Variants in DPP10 observed in about 807,000 individuals in gnomAD.
DPP10 encodes the protein dipeptidyl peptidase like 10.
DPP10 carries 33 observed loss-of-function variants against 120.9 expected under a neutral mutation model. That is an observed-to-expected ratio of 0.27 (90% CI 0.21 to 0.37). DPP10 has a LOEUF of 0.37. Among genes scored for constraint, DPP10 ranks in the 10% least tolerant of loss-of-function variants. DPP10 has a pLI of 1.00. For synonymous variants in DPP10, 337 were observed against 326.1 expected (o/e 1.03, Z -0.36); for missense variants, 816 against 942.8 (o/e 0.87, Z 1.76).
rs772059382 is a variant in DPP10 at position 115,526,013 on chromosome 2, T to C, written c.441+41T>C. On this transcript the variant is annotated intron_variant, in intron 5 of 25. Coordinates refer to ENST00000410059, the MANE Select transcript of DPP10 (RefSeq NM_020868.6). ...TCTTTGAGAATACTTTTCTTTGTGA[T>C]GCATTGGGGTGACAATGCATAATTT... The C allele has an allele frequency of 8.6e-6, 13 of 1,515,768 alleles. No individual in the cohort carries two copies. The African/African-American group carries it at 1.7e-4, about 19-fold the overall frequency. 93.9% of individuals were successfully genotyped at this position (1,515,768 alleles called of 1,614,324 possible).
At chr2:115,790,454 T>G (rs868731102) in intron 17 of DPP10, among the ~76,000 whole-genome samples, 10 of 152,202 alleles carry the variant, frequency 6.6e-5, no homozygotes, top group African/African-American at 1.4e-4. Context: ...ACCTCAAAAT[T>G]CCAGCAAGTT....
rs1558792177 is a variant in DPP10 at position 114,835,041 on chromosome 2, CAGCCATATCTACACACCTATGTATATATA to C, written c.60+392264_60+392292del. The C allele has an allele frequency of 1.7e-3, 171 of 101,178 alleles. 2 individuals are homozygous for C. The highest frequency in any genetic ancestry group is 6.1e-3 in the African/African-American group (154 of 25,160). 6.3% of individuals were successfully genotyped at this position (101,178 alleles called of 1,614,324 possible). On this transcript the variant is annotated intron_variant, in intron 1 of 25. Coordinates refer to ENST00000410059, the MANE Select transcript of DPP10 (RefSeq NM_020868.6). ...CATATCTACACACCTATGTACATAT[CAGCCATATCTACACACCTATGTATATATA>C]AGCCATATCTACACACCTATGTATA...
chr2:115,361,830 T>A (rs1413482511), intron 3 of DPP10, among the ~76,000 whole-genome samples: 3 of 152,076 alleles, frequency 2.0e-5, no homozygotes, highest in Non-Finnish European at 4.4e-5. Context: ...CCAGAGGATC[T>A]GCTTGAGGTG....
chr2:114,479,299 A>C (rs1680797175), intron 1 of DPP10, among the ~76,000 whole-genome samples: 2 of 152,168 alleles, frequency 1.3e-5, no homozygotes, highest in African/African-American at 4.8e-5. Flanking sequence ...CATCTTGAAA[A>C]AGAAAAATGA....
chr2:115,835,139 A>C (rs1689338882), intron 21 of DPP10, among the ~76,000 whole-genome samples: 1 of 152,026 alleles, frequency 6.6e-6, no homozygotes, highest in Non-Finnish European at 1.5e-5. Flanking sequence ...CTGTCTAAAA[A>C]AAAAAAAGCA....
intron 1 of DPP10, among the ~76,000 whole-genome samples, chr2:114,899,530 T>C (rs1314692521): frequency 6.6e-6 from 1 of 152,244 alleles, no homozygotes; most frequent in Non-Finnish European, 1.5e-5. Context: ...GCTTTCATTA[T>C]ACTTTTACCA....
intron 5 of DPP10, among the ~76,000 whole-genome samples, chr2:115,591,150 C>T (rs1205206094): frequency 6.6e-6 from 1 of 152,102 alleles, no homozygotes; most frequent in Non-Finnish European, 1.5e-5. Context: ...TGCAAAAGCT[C>T]TTTAGTTTAA....
intron 1 of DPP10, among the ~76,000 whole-genome samples, chr2:115,224,009 C>G (rs1574069230): frequency 6.6e-6 from 1 of 151,984 alleles, no homozygotes; most frequent in East Asian, 1.9e-4. Context: ...TTTATTTAGC[C>G]CCTTCTAGGC....
At position 115,162,153 on chromosome 2, in the gene DPP10, C is replaced by T; in HGVS notation, c.61-147086C>T. The stretch of plus-strand genomic sequence containing the variant: ...TCTTCTCACCCTCCCCCGCCCCGCC[C>T]CAGTTCCAGGCTCTCCTGCTTCTCC... On this transcript the variant is annotated intron_variant, in intron 1 of 25. Transcript: ENST00000410059. 4.6e-6 allele frequency: 7 copies of T among 1,538,206 alleles called. No homozygotes were observed. In the South Asian group the frequency reaches 7.2e-5, roughly 16 times the overall value.
intron 1 of DPP10, among the ~76,000 whole-genome samples, chr2:115,210,001 C>T (rs138072939): frequency 4.9e-3 from 737 of 151,912 alleles, no homozygotes; most frequent in Middle Eastern, 0.014. Context: ...CAACATGAGT[C>T]GTCTTCTCTT....
intron 1 of DPP10, among the ~76,000 whole-genome samples, chr2:114,477,495 G>T (rs985697509): frequency 1.4e-5 from 2 of 144,192 alleles, no homozygotes; most frequent in Non-Finnish European, 3.0e-5. Flanking sequence ...ATATACATAC[G>T]TATATACACA....
intron 21 of DPP10, among the ~76,000 whole-genome samples, chr2:115,824,204 G>A (rs933602801): frequency 6.6e-6 from 1 of 152,090 alleles, no homozygotes; most frequent in African/African-American, 2.4e-5. Flanking sequence ...TTTGTCGTGT[G>A]TATAATTGTT....
intron 5 of DPP10, among the ~76,000 whole-genome samples, chr2:115,611,461 G>A (rs528555262): frequency 3.9e-5 from 6 of 152,178 alleles, no homozygotes; most frequent in African/African-American, 9.6e-5. Flanking sequence ...ACCCCACACA[G>A]CCTTGTTTAT....
At chr2:114,459,113 A>G (rs949993952) in intron 1 of DPP10, among the ~76,000 whole-genome samples, 2 of 152,204 alleles carry the variant, frequency 1.3e-5, no homozygotes, top group African/African-American at 2.4e-5. Context: ...TAAGGAATGT[A>G]TAACACAAAA....
intron 3 of DPP10, among the ~76,000 whole-genome samples, chr2:115,442,849 G>A (rs2072204214): frequency 1.3e-5 from 2 of 152,126 alleles, no homozygotes; most frequent in African/African-American, 2.4e-5. Flanking sequence ...TATTTTGTCC[G>A]TCATCTATCT....
At chr2:115,425,703 T>TCCC (rs2070391612) in intron 3 of DPP10, among the ~76,000 whole-genome samples, 2 of 152,152 alleles carry the variant, frequency 1.3e-5, no homozygotes, top group Admixed American at 6.5e-5. Context: ...TGATAGTGTA[T>TCCC]TTGGCCATTT....
intron 4 of DPP10, among the ~76,000 whole-genome samples, chr2:115,506,826 A>G (rs1336498838): frequency 6.6e-6 from 1 of 152,120 alleles, no homozygotes; most frequent in Non-Finnish European, 1.5e-5. Flanking sequence ...GTGAGTGGAA[A>G]AGAGGAAAAC....
At chr2:114,882,422 T>C (rs997809929) in intron 1 of DPP10, among the ~76,000 whole-genome samples, 2 of 151,904 alleles carry the variant, frequency 1.3e-5, no homozygotes, top group African/African-American at 4.8e-5. Context: ...AACAAAGTAG[T>C]GTATATTCTC....
At chr2:115,193,029 TAC>T (rs1425855966) in intron 1 of DPP10, among the ~76,000 whole-genome samples, 1 of 152,160 alleles carries the variant, frequency 6.6e-6, no homozygotes, top group Non-Finnish European at 1.5e-5. Flanking sequence ...TATGCCTCCT[TAC>T]AATCCTTTTA....
Sources: gnomAD v4.1 joint callset for allele counts (sites outside exome capture counted in the v4.1 genomes callset) on GRCh38, gnomAD v4.1.1 for gene constraint, MANE v1.5 for transcripts, NCBI Gene and HGNC (gene_info 2026-07-23, HGNC 2026-07-21) for gene names.